Variants in CEP63 observed in about 807,000 individuals in gnomAD.
CEP63 encodes centrosomal protein 63, also known as centrosomal protein of 63 kDa.
Under a neutral mutation model 89.1 loss-of-function variants are expected in CEP63, and 84 were observed. The observed-to-expected ratio is 0.94, with a 90% CI of 0.79 to 1.13. The LOEUF (loss-of-function observed/expected upper bound fraction) is 1.13. CEP63 is among the 50% of genes most tolerant of loss of function. The probability of loss-of-function intolerance (pLI) is 0.00; values close to 1 mark genes in which losing one functional copy is unlikely to be tolerated. For missense variants in CEP63, 838 were observed against 813.3 expected (o/e 1.03, Z -0.37); for synonymous variants, 267 against 272.5 (o/e 0.98, Z 0.20).
At chr3:134,761,545 G>A in the CEP63 span, among the ~76,000 whole-genome samples, 1 of 152,172 alleles carries the variant, frequency 6.6e-6, no homozygotes, top group Non-Finnish European at 1.5e-5. Flanking sequence ...GGAGAGTAAG[G>A]AGGAAAATTA....
chr3:134,714,746 G>A, the CEP63 span, among the ~76,000 whole-genome samples: 1 of 152,176 alleles, frequency 6.6e-6, no homozygotes, highest in Non-Finnish European at 1.5e-5. Flanking sequence ...CCACAGTCTT[G>A]GGCTCTGAAG....
chr3:134,591,640 G>C (rs1306351391), downstream of CEP63, among the ~76,000 whole-genome samples: 1 of 152,064 alleles, frequency 6.6e-6, no homozygotes. Flanking sequence ...TGGAGTGCTT[G>C]AGCTCAGGAG....
intron 2 of CEP63, among the ~76,000 whole-genome samples, chr3:134,504,725 G>T (rs1943017068): frequency 6.6e-6 from 1 of 152,096 alleles, no homozygotes; most frequent in African/African-American, 2.4e-5. Context: ...TCTCTTGCTG[G>T]AATAGCAAGA....
intron 6 of CEP63, among the ~76,000 whole-genome samples, chr3:134,544,316 T>C (rs1952707741): frequency 6.6e-6 from 1 of 152,180 alleles, no homozygotes; most frequent in South Asian, 2.1e-4. Context: ...GGATTAAAAC[T>C]TGTAAAAACT....
At chr3:134,778,901 A>C in the CEP63 span, among the ~76,000 whole-genome samples, 1 of 152,136 alleles carries the variant, frequency 6.6e-6, no homozygotes, top group Admixed American at 6.6e-5. Context: ...ACCTTTGCAC[A>C]CTGTCTTCTT....
chr3:134,605,164 G>A, the CEP63 span, among the ~76,000 whole-genome samples: 1 of 152,040 alleles, frequency 6.6e-6, no homozygotes, highest in African/African-American at 2.4e-5. Context: ...ATCTTCGTCT[G>A]TCCTGGTCAT....
the CEP63 span, among the ~76,000 whole-genome samples, chr3:134,718,514 C>A: frequency 6.6e-6 from 1 of 152,134 alleles, no homozygotes; most frequent in Non-Finnish European, 1.5e-5. Flanking sequence ...AGTGACTTCT[C>A]TACAACCTAA....
chr3:134,752,541 A>G, the CEP63 span, among the ~76,000 whole-genome samples: 21 of 152,196 alleles, frequency 1.4e-4, no homozygotes, highest in Admixed American at 1.2e-3. Flanking sequence ...GCAGGAAATT[A>G]CCAATGGGAT....
intron 1 of CEP63, among the ~76,000 whole-genome samples, chr3:134,492,850 A>C (rs189434005): frequency 3.2e-4 from 49 of 152,284 alleles, no homozygotes; most frequent in Admixed American, 2.8e-3. Flanking sequence ...GGTTGAATCC[A>C]GGACTATAAT....
At chr3:134,566,593 TAAAA>T (rs1957768476), downstream of CEP63, among the ~76,000 whole-genome samples, 1 of 152,140 alleles carries the variant, frequency 6.6e-6, no homozygotes, top group South Asian at 2.1e-4. Context: ...TTTTCAATAA[TAAAA>T]AGACAATTCA....
chr3:134,605,927 G>A, the CEP63 span, among the ~76,000 whole-genome samples: 1 of 152,152 alleles, frequency 6.6e-6, no homozygotes, highest in Non-Finnish European at 1.5e-5. Flanking sequence ...CACTGAAATT[G>A]TGTGACTCTT....
At chr3:134,623,357 G>A in the CEP63 span, among the ~76,000 whole-genome samples, 2 of 152,142 alleles carry the variant, frequency 1.3e-5, no homozygotes, top group African/African-American at 4.8e-5. Flanking sequence ...CACAGGTAAT[G>A]GCCTGGCCTC....
chr3:134,743,440 C>G, the CEP63 span, among the ~76,000 whole-genome samples: 1 of 152,102 alleles, frequency 6.6e-6, no homozygotes, highest in Non-Finnish European at 1.5e-5. Context: ...AGAAACCTTT[C>G]TATTTAAATC....
the CEP63 span, among the ~76,000 whole-genome samples, chr3:134,718,820 C>T: frequency 6.6e-6 from 1 of 152,194 alleles, no homozygotes; most frequent in Non-Finnish European, 1.5e-5. Flanking sequence ...CTGGAGTGCA[C>T]AAGGCTACAC....
rs1300445737 is a variant in CEP63 at position 134,550,001 on chromosome 3, ATAT to A, written c.1183-57_1183-55del. 12 of 1,152,528 alleles carry A rather than the reference ATAT, an allele frequency of 1.0e-5. No individual in the cohort carries two copies. In the East Asian group the frequency reaches 2.6e-4, roughly 25 times the overall value. The allele number at this position is 1,152,528 out of a possible 1,614,324, so 71.4% of individuals were successfully genotyped here. On this transcript the variant is annotated intron_variant, in intron 10 of 14. Transcript: ENST00000675561. ...AACTTTTATTTTATTAGCTAGTAAC[ATAT>A]TATTCTATCTAAATGCTTTCTCTTA...
chr3:134,588,309 A>T (rs1426220269), downstream of CEP63, among the ~76,000 whole-genome samples: 1 of 152,190 alleles, frequency 6.6e-6, no homozygotes, highest in African/African-American at 2.4e-5. Flanking sequence ...AAATAAATAA[A>T]TGAAAATAAA....
At chr3:134,695,555 G>A in the CEP63 span, among the ~76,000 whole-genome samples, 37 of 152,306 alleles carry the variant, frequency 2.4e-4, 1 homozygote, top group African/African-American at 8.2e-4. Flanking sequence ...GGCAGGTGAC[G>A]GCTATGCCAC....
At chr3:134,734,923 A>T in the CEP63 span, among the ~76,000 whole-genome samples, 1 of 152,120 alleles carries the variant, frequency 6.6e-6, no homozygotes, top group Admixed American at 6.6e-5. Context: ...TCTGCCAGAT[A>T]ATCATTTTCC....
intron 5 of CEP63, among the ~76,000 whole-genome samples, chr3:134,534,474 T>A (rs1950415047): frequency 6.6e-6 from 1 of 152,228 alleles, no homozygotes; most frequent in Non-Finnish European, 1.5e-5. Context: ...TCCCTTAAAA[T>A]GATTAAATTC....
Sources: gnomAD v4.1 joint callset for allele counts (sites outside exome capture counted in the v4.1 genomes callset) on GRCh38, gnomAD v4.1.1 for gene constraint, MANE v1.5 for transcripts, NCBI Gene and HGNC (gene_info 2026-07-23, HGNC 2026-07-21) for gene names.